The following TTBK2 variants were observed in gnomAD, a reference collection of about 807,000 sequenced individuals.
TTBK2 encodes the protein tau tubulin kinase 2.
Under a neutral mutation model 110.8 loss-of-function variants are expected in TTBK2, and 28 were observed. The observed-to-expected ratio is 0.25, with a 90% CI of 0.19 to 0.35. The LOEUF is 0.35. TTBK2 is among the 10% of genes least tolerant of loss of function. The probability of loss-of-function intolerance (pLI) is 1.00; values close to 1 mark genes in which losing one functional copy is unlikely to be tolerated. For missense variants in TTBK2, 1,369 were observed against 1,500.3 expected, an observed-to-expected ratio of 0.91 and a Z score of 1.45; for synonymous variants, 532 against 527.3, an observed-to-expected ratio of 1.01 and a Z score of -0.12.
intron 6 of TTBK2, among the ~76,000 whole-genome samples, chr15:42,819,719 T>G (rs577090528): frequency 6.6e-6 from 1 of 152,340 alleles, no homozygotes; most frequent in South Asian, 2.1e-4. Flanking sequence ...TTGATGGAAC[T>G]AAGGTTGGAG....
In TTBK2 at chr15:42,794,906, T is replaced by G. The variant is rs757387696; in HGVS notation, c.823-105A>C. 2.7e-6 allele frequency: 4 copies of G among 1,495,670 alleles called. No homozygotes were observed. The Admixed American group carries it at 7.3e-5, about 27-fold the overall frequency. 92.6% of individuals were successfully genotyped at this position (1,495,670 alleles called of 1,614,324 possible). ...TCATAAAATGATTTTGTAATGTGAT[T>G]TTCTTTAAAAACTGATGGCTCAAAT... is the stretch of plus-strand genomic sequence containing the variant. On this transcript the variant is annotated intron_variant, in intron 9 of 14. Transcript: ENST00000267890.
At chr15:42,801,738 C>T (rs1419609971) in intron 9 of TTBK2, 9 of 832,862 alleles carry the variant, frequency 1.1e-5, no homozygotes, top group Non-Finnish European at 1.7e-5. Context: ...CATACAGCTG[C>T]CTGAGGAAGC....
rs71431863 is a variant in TTBK2 at position 42,755,011 on chromosome 15, G to GAAA, written c.1999-1767_1999-1765dup. On this transcript the variant is annotated intron_variant, in intron 13 of 14. Coordinates refer to ENST00000267890, the MANE Select transcript of TTBK2 (RefSeq NM_173500.4). ...CAATAAGAGTGAAGCTCCATCTCAGGAAAAAAAAAAAAAAAAAAAAAAATC... is the reference window on the plus strand; with the variant it reads ...CAATAAGAGTGAAGCTCCATCTCAGGAAAAAAAAAAAAAAAAAAAAAAAAAATC... Among the ~76,000 whole-genome samples, 111 of 69,810 alleles carry GAAA rather than the reference G, an allele frequency of 1.6e-3. 1 individual carries two copies. The highest frequency in any genetic ancestry group is 5.1e-3 in the African/African-American group (83 of 16,132). The allele number at this position is 69,810 out of a possible 152,430, so 45.8% of individuals were successfully genotyped here.
intron 7 of TTBK2, among the ~76,000 whole-genome samples, chr15:42,812,041 C>T (rs904297979): frequency 6.7e-4 from 102 of 151,938 alleles, no homozygotes; most frequent in African/African-American, 2.3e-3. Flanking sequence ...ATATAACAGC[C>T]CATTAGTTAA....
intron 9 of TTBK2, among the ~76,000 whole-genome samples, chr15:42,808,446 G>A (rs1444714857): frequency 1.3e-5 from 2 of 152,206 alleles, no homozygotes; most frequent in East Asian, 1.9e-4. Context: ...GACCTTTGAT[G>A]TAGCTAGGGA....
intron 3 of TTBK2, among the ~76,000 whole-genome samples, chr15:42,841,947 A>G (rs1225737768): frequency 6.6e-6 from 1 of 152,236 alleles, no homozygotes; most frequent in Non-Finnish European, 1.5e-5. Flanking sequence ...GCAGAGCTCC[A>G]GATGTACACT....
chr15:42,763,084 T>TA lies in TTBK2; in HGVS notation c.1999-9838_1999-9837insT, dbSNP rs1567008356. On this transcript the variant is annotated intron_variant, in intron 13 of 14. Coordinates refer to ENST00000267890, the MANE Select transcript of TTBK2 (RefSeq NM_173500.4). Reference sequence around the variant, plus strand: ...TATAGGATGATTACAGTTAACAATTTTATATATATATATATATACGTATAT... The same window carrying TA: ...TATAGGATGATTACAGTTAACAATTTATATATATATATATATATACGTATAT... Among the ~76,000 whole-genome samples, 67 of 108,788 alleles carry TA rather than the reference T, an allele frequency of 6.2e-4. 2 individuals are homozygous for TA. Among genetic ancestry groups the TA allele is most frequent in the African/African-American group, 2.9e-3 (65 of 22,592 alleles). The allele number at this position is 108,788 out of a possible 152,430, so 71.4% of individuals were successfully genotyped here.
chr15:42,901,599 AGC>A (rs977869334), intron 1 of TTBK2, among the ~76,000 whole-genome samples: 7 of 151,208 alleles, frequency 4.6e-5, no homozygotes, highest in Non-Finnish European at 1.0e-4. Context: ...TGGGCAAAAT[AGC>A]GAGACCTCGT....
intron 3 of TTBK2, among the ~76,000 whole-genome samples, chr15:42,856,954 A>G (rs926020724): frequency 2.0e-5 from 3 of 152,156 alleles, no homozygotes; most frequent in Non-Finnish European, 4.4e-5. Flanking sequence ...CCAGCTATTC[A>G]GGAAACTGAG....
rs563576848 is a variant in TTBK2, at chr15:42,794,688, A to G, written c.936T>C (p.Ser312=). ...NDGSLTTTTT[S]TTPQLHTRLT... ...AGCGAGTGTGCAACTGAGGGGTGGT[A>G]GAAGTAGTGGTGGTTGTTAGGGAGC... Residue 312 remains serine, a synonymous_variant, in exon 10 of 15, where the codon TCT becomes TCC. Transcript: ENST00000267890. 1 of 1,614,168 alleles carries G rather than the reference A, an allele frequency of 6.2e-7. No individual in the cohort carries two copies. The highest frequency in any genetic ancestry group is 1.1e-5 in the South Asian group (1 of 91,084).
At chr15:42,845,882 C>T (rs1367677618) in intron 3 of TTBK2, among the ~76,000 whole-genome samples, 6 of 152,050 alleles carry the variant, frequency 3.9e-5, no homozygotes, top group Admixed American at 3.9e-4. Context: ...ACCTGTATGG[C>T]ATGTTACTGT....
Position 42,787,927 on chromosome 15 carries a change from G to C in TTBK2, c.981-4292C>G, listed in dbSNP as rs193153320. On this transcript the variant is annotated intron_variant, in intron 10 of 14. Coordinates refer to ENST00000267890, the MANE Select transcript of TTBK2 (RefSeq NM_173500.4). ...GTACTTAAAAAAACTATATTGTATAGCCTATTACGTGCCTAGGCTATATGG... is the reference window on the plus strand; with the variant it reads ...GTACTTAAAAAAACTATATTGTATACCCTATTACGTGCCTAGGCTATATGG... 1.3e-3 allele frequency among the ~76,000 whole-genome samples: 203 copies of C among 152,094 alleles called. 1 individual carries two copies. The highest frequency in any genetic ancestry group is 6.8e-3 in the Middle Eastern group (2 of 294).
In TTBK2 at chr15:42,837,806, C is replaced by G. The variant is rs531787917; in HGVS notation, c.291+2554G>C. ...TAGTATCTTTAAATCTAAATGAAAT[C>G]TGAAGGATGGCTGAGGGAAACAAGA... On this transcript the variant is annotated intron_variant, in intron 4 of 14. Coordinates refer to ENST00000267890, the MANE Select transcript of TTBK2 (RefSeq NM_173500.4). Among the ~76,000 whole-genome samples the G allele has an allele frequency of 3.3e-5, 5 of 151,748 alleles. No homozygotes were observed. The South Asian group carries it at 1.0e-3, about 32-fold the overall frequency.
rs575223455 is a variant in TTBK2 at position 42,820,848 on chromosome 15, AAG to A, written c.538-3753_538-3752del. On this transcript the variant is annotated intron_variant, in intron 6 of 14. Transcript: ENST00000267890. ...GTGAGACCCCCGTCTCTAAAAAAAA[AAG>A]AATTAAAGAATTAGCTGGGCATGGT... 1.9e-3 allele frequency among the ~76,000 whole-genome samples: 290 copies of A among 152,276 alleles called. 1 individual carries two copies. The highest frequency in any genetic ancestry group is 6.8e-3 in the African/African-American group (281 of 41,554).
At chr15:42,860,640 C>CTTTTTTT (rs796405914) in intron 3 of TTBK2, among the ~76,000 whole-genome samples, 8 of 102,112 alleles carry the variant, frequency 7.8e-5, no homozygotes, top group South Asian at 3.6e-4. Flanking sequence ...GGTATTCTTT[C>CTTTTTTT]TTTTTTTTTT....
chr15:42,795,763 A>G (rs1890909942), intron 9 of TTBK2, among the ~76,000 whole-genome samples: 1 of 151,508 alleles, frequency 6.6e-6, no homozygotes, highest in African/African-American at 2.4e-5. Flanking sequence ...GAATTGCTTG[A>G]ACCTGGGAGG....
At chr15:42,770,194 A>G (rs1051960034) in intron 13 of TTBK2, among the ~76,000 whole-genome samples, 3 of 152,092 alleles carry the variant, frequency 2.0e-5, no homozygotes, top group East Asian at 1.9e-4. Flanking sequence ...ATGTATACCT[A>G]TGTAACAAAC....
chr15:42,762,504 G>C (rs1281174082), intron 13 of TTBK2, among the ~76,000 whole-genome samples: 1 of 152,150 alleles, frequency 6.6e-6, no homozygotes, highest in Non-Finnish European at 1.5e-5. Context: ...GATCACCTGA[G>C]GTCAGAGTTC....
intron 6 of TTBK2, among the ~76,000 whole-genome samples, chr15:42,818,112 G>A (rs769737785): frequency 2.6e-5 from 4 of 152,096 alleles, no homozygotes; most frequent in Non-Finnish European, 5.9e-5. Flanking sequence ...GTCTCGCTCT[G>A]TAGCCCAGGC....
Sources: allele counts gnomAD v4.1 joint callset (sites outside exome capture counted in the v4.1 genomes callset), GRCh38; gene constraint gnomAD v4.1.1; transcripts MANE v1.5; gene names NCBI Gene and HGNC (gene_info 2026-07-23, HGNC 2026-07-21).